Variants in PNPLA8 observed in about 807,000 individuals in gnomAD.
PNPLA8 encodes patatin like domain 8, phospholipase A2.
A neutral mutation model predicts 76.9 loss-of-function variants in PNPLA8; 39 were observed. That is an observed-to-expected ratio of 0.51 (90% CI 0.39 to 0.66). The LOEUF (loss-of-function observed/expected upper bound fraction) is 0.66. PNPLA8 is among the 30% of genes least tolerant of loss of function. The probability of loss-of-function intolerance (pLI) is 0.00; values close to 1 mark genes in which losing one functional copy is unlikely to be tolerated. For synonymous variants in PNPLA8, 301 were observed against 307.9 expected, an observed-to-expected ratio of 0.98 and a Z score of 0.24; for missense variants, 887 against 918.0, an observed-to-expected ratio of 0.97 and a Z score of 0.44.
intron 2 of PNPLA8, among the ~76,000 whole-genome samples, chr7:108,519,833 A>G (rs1863612814): frequency 6.6e-6 from 1 of 152,104 alleles, no homozygotes; most frequent in Non-Finnish European, 1.5e-5. Flanking sequence ...AGGGAAAACA[A>G]TTTTATTATT....
intron 1 of PNPLA8, among the ~76,000 whole-genome samples, chr7:108,525,526 A>G (rs1215540470): frequency 2.0e-5 from 3 of 152,220 alleles, no homozygotes; most frequent in African/African-American, 7.2e-5. Context: ...CACCTTATCC[A>G]CTTAAGCAAC....
chr7:108,480,495 C>T (rs943681745), intron 9 of PNPLA8, among the ~76,000 whole-genome samples: 3 of 152,190 alleles, frequency 2.0e-5, no homozygotes, highest in African/African-American at 7.2e-5. Flanking sequence ...CCGCTGAGTA[C>T]ACGGAAAGGC....
At chr7:108,521,135 A>G (rs1352976342) in intron 2 of PNPLA8, among the ~76,000 whole-genome samples, 2 of 152,136 alleles carry the variant, frequency 1.3e-5, no homozygotes, top group Non-Finnish European at 2.9e-5. Context: ...ATCAGCAAAT[A>G]TAGCCAGAAA....
chr7:108,519,854 A>G (rs570207391), intron 2 of PNPLA8, among the ~76,000 whole-genome samples: 291 of 152,264 alleles, frequency 1.9e-3, no homozygotes, highest in Non-Finnish European at 2.5e-3. Context: ...TGCTGCAGAA[A>G]AGAAGACTGA....
chr7:108,500,140 C>T (rs1373609470), intron 5 of PNPLA8, among the ~76,000 whole-genome samples: 1 of 152,192 alleles, frequency 6.6e-6, no homozygotes, highest in Non-Finnish European at 1.5e-5. Flanking sequence ...TCAGTGCTTA[C>T]AACATAGTAG....
In PNPLA8 at chr7:108,510,758, C is replaced by T. The variant is rs112285768; in HGVS notation, c.1206+3386G>A. The T allele has an allele frequency of 4.6e-4, 734 of 1,601,474 alleles. 1 individual carries two copies. In the African/African-American group the frequency reaches 6.5e-3, roughly 14 times the overall value. On this transcript the variant is annotated intron_variant, in intron 4 of 10. Transcript: ENST00000257694. ...TTTGACAGATAACGCTTTGATTGCTCGATCTCTTGGTAAATATGGCATCAT... is the reference window on the plus strand; with the variant it reads ...TTTGACAGATAACGCTTTGATTGCTTGATCTCTTGGTAAATATGGCATCAT...
At chr7:108,519,255 C>T (rs1376883073) in intron 2 of PNPLA8, among the ~76,000 whole-genome samples, 1 of 151,976 alleles carries the variant, frequency 6.6e-6, no homozygotes, top group African/African-American at 2.4e-5. Flanking sequence ...AACAAATTAG[C>T]TGGGCATGGT....
chr7:108,483,379 G>A (rs2154514989), intron 9 of PNPLA8, among the ~76,000 whole-genome samples: 1 of 152,276 alleles, frequency 6.6e-6, no homozygotes, highest in East Asian at 1.9e-4. Flanking sequence ...TCTTTCTATT[G>A]CTTGCTCTAT....
chr7:108,491,268 T>C (rs1029662314), intron 8 of PNPLA8, 142 bp downstream of exon 8: 2 of 587,408 alleles, frequency 3.4e-6, no homozygotes, highest in Non-Finnish European at 6.0e-6. Context: ...GATCGTGCTA[T>C]TGCACTCCAG....
At chr7:108,502,420 G>A (rs1256560068) in intron 5 of PNPLA8, 71 bp downstream of exon 5, 6 of 1,349,000 alleles carry the variant, frequency 4.4e-6, no homozygotes, top group Non-Finnish European at 5.9e-6. Context: ...TCCAGCCTGG[G>A]CAACAGAGGG....
rs1299996705 is a variant in PNPLA8 at position 108,496,769 on chromosome 7, T to G, written c.1454-14A>C. On this transcript the variant is annotated splice_polypyrimidine_tract_variant and intron_variant, in intron 6 of 10. Transcript: ENST00000257694. ...CTAATATGGCACCTGGAAAAAAGAA[T>G]CCTTAGCTTTTATCAGTGTTAAGTT... The G allele has an allele frequency of 6.2e-7, 1 of 1,600,044 alleles. No individual in the cohort carries two copies. Among genetic ancestry groups the G allele is most frequent in the Non-Finnish European group, 8.5e-7 (1 of 1,171,276 alleles).
At position 108,514,706 on chromosome 7, in the gene PNPLA8, A is replaced by G. The variant is rs1863183793; in HGVS notation, c.786T>C (p.Ser262=). 4.3e-6 allele frequency: 7 copies of G among 1,614,002 alleles called. No individual in the cohort carries two copies. In the African/African-American group the frequency reaches 8.0e-5, roughly 18 times the overall value. The change falls in exon 3 of 11, where the codon TCT becomes TCC. Residue 262 remains serine, a synonymous_variant. Coordinates refer to ENST00000257694, the MANE Select transcript of PNPLA8 (RefSeq NM_001256007.3). ...GILAYKPGSE[S]VHTVDKPTSP... ...TTGTAGGCTTGTCCACCGTATGTAC[A>G]GATTCTGAGCCTGGCTTATAAGCCA...
chr7:108,516,666 G>T (rs1863364805), intron 2 of PNPLA8, among the ~76,000 whole-genome samples: 2 of 152,192 alleles, frequency 1.3e-5, no homozygotes, highest in African/African-American at 4.8e-5. Context: ...ACTTTAGGAG[G>T]CTGAGGCAGG....
intron 10 of PNPLA8, among the ~76,000 whole-genome samples, chr7:108,476,307 A>G (rs972553639): frequency 6.6e-6 from 1 of 152,230 alleles, no homozygotes; most frequent in Non-Finnish European, 1.5e-5. Flanking sequence ...AGCCCATTAC[A>G]TGGTTTGCAC....
chr7:108,503,813 T>A (rs1030769242), intron 4 of PNPLA8, among the ~76,000 whole-genome samples: 3 of 151,836 alleles, frequency 2.0e-5, no homozygotes, highest in Non-Finnish European at 4.4e-5. Context: ...GGGCCCCAAA[T>A]AAAGGACAGA....
intron 5 of PNPLA8, 134 bp downstream of exon 5, chr7:108,502,357 C>T (rs982469584): frequency 3.0e-5 from 20 of 661,950 alleles, no homozygotes; most frequent in Non-Finnish European, 3.5e-5. Context: ...GCAGGAGAAT[C>T]GCTTGAACCT....
intron 10 of PNPLA8, among the ~76,000 whole-genome samples, chr7:108,474,414 AG>A (rs1859838322): frequency 6.6e-6 from 1 of 152,168 alleles, no homozygotes; most frequent in African/African-American, 2.4e-5. Context: ...AAGGAAATGA[AG>A]GGCATGTAGA....
At chr7:108,499,365 C>T (rs1655269935) in intron 5 of PNPLA8, among the ~76,000 whole-genome samples, 1 of 152,102 alleles carries the variant, frequency 6.6e-6, no homozygotes, top group Non-Finnish European at 1.5e-5. Flanking sequence ...ATATATCTGC[C>T]AAGTTGCCAC....
In PNPLA8 at chr7:108,514,955, G is replaced by T; in HGVS notation, c.537C>A (p.Asp179Glu). 1 of 1,609,618 alleles carries T rather than the reference G, an allele frequency of 6.2e-7. No individual in the cohort carries two copies. Among genetic ancestry groups the T allele is most frequent in the Non-Finnish European group, 8.5e-7 (1 of 1,179,436 alleles). The change falls in exon 3 of 11, where the codon GAC becomes GAA. Residue 179 changes from aspartate (D) to glutamate (E), a missense_variant. Physicochemically the swap from Asp to Glu is conservative, Grantham distance 45. Coordinates refer to ENST00000257694, the MANE Select transcript of PNPLA8 (RefSeq NM_001256007.3). ...PFPEEKSHII[D>E]KEEDIGKRSL... ...TGCGTTTACCTATATCTTCTTCTTTGTCTATAATGTGACTTTTCTCTTCTG... is the reference window on the plus strand; with the variant it reads ...TGCGTTTACCTATATCTTCTTCTTTTTCTATAATGTGACTTTTCTCTTCTG...
Sources: allele counts gnomAD v4.1 joint callset (sites outside exome capture counted in the v4.1 genomes callset), GRCh38; gene constraint gnomAD v4.1.1; transcripts MANE v1.5; gene names NCBI Gene and HGNC (gene_info 2026-07-23, HGNC 2026-07-21).